The following NOS1AP variants were observed in gnomAD, a reference collection of about 807,000 sequenced individuals.
The protein encoded by NOS1AP is nitric oxide synthase 1 adaptor protein, also known as carboxyl-terminal PDZ ligand of neuronal nitric oxide synthase protein.
In NOS1AP, 21 loss-of-function variants were observed where a neutral mutation model predicts 56.2. That is an observed-to-expected ratio of 0.37 (90% CI 0.26 to 0.54). NOS1AP has a LOEUF of 0.54. Among genes scored for constraint, NOS1AP ranks in the 20% least tolerant of loss-of-function variants. NOS1AP has a pLI of 0.84. For synonymous variants in NOS1AP, 270 were observed against 274.6 expected, an observed-to-expected ratio of 0.98 and a Z score of 0.17; for missense variants, 522 against 657.8, an observed-to-expected ratio of 0.79 and a Z score of 2.26.
chr1:162,215,707 C>G (rs1204379757), intron 2 of NOS1AP, among the ~76,000 whole-genome samples: 2 of 152,190 alleles, frequency 1.3e-5, no homozygotes, highest in Admixed American at 1.3e-4. Context: ...CCCTTGGGTC[C>G]TCCACTCATG....
chr1:162,352,564 C>T (rs989772831), intron 6 of NOS1AP, among the ~76,000 whole-genome samples: 1 of 152,116 alleles, frequency 6.6e-6, no homozygotes, highest in Admixed American at 6.6e-5. Flanking sequence ...GCTTAAACAA[C>T]ATTTATTTCT....
At chr1:162,285,640 C>G (rs143670046) in intron 2 of NOS1AP, among the ~76,000 whole-genome samples, 2 of 152,286 alleles carry the variant, frequency 1.3e-5, no homozygotes, top group Admixed American at 6.5e-5. Context: ...CTCTTCTTCT[C>G]TGTCTCCATC....
intron 3 of NOS1AP, among the ~76,000 whole-genome samples, chr1:162,291,365 G>A (rs1482336889): frequency 3.3e-5 from 5 of 152,126 alleles, no homozygotes; most frequent in Admixed American, 2.0e-4. Context: ...CATTATTTGT[G>A]TGTAATAATG....
At chr1:162,162,554 A>T (rs1413573361) in intron 2 of NOS1AP, among the ~76,000 whole-genome samples, 1 of 152,192 alleles carries the variant, frequency 6.6e-6, no homozygotes, top group Non-Finnish European at 1.5e-5. Context: ...TCCTCTGCCA[A>T]ACCCAAGAGA....
chr1:162,333,212 A>C (rs1656830996), intron 5 of NOS1AP, 87 bp downstream of exon 5: 2 of 876,190 alleles, frequency 2.3e-6, no homozygotes, highest in Non-Finnish European at 3.8e-6. Flanking sequence ...TGTTGAAGAC[A>C]GCTGTGGTAA....
At chr1:162,310,194 G>A (rs1324951812) in intron 4 of NOS1AP, among the ~76,000 whole-genome samples, 1 of 152,024 alleles carries the variant, frequency 6.6e-6, no homozygotes, top group Non-Finnish European at 1.5e-5. Context: ...GGGGTCAAAG[G>A]CACAAAGGGT....
chr1:162,134,180 A>G (rs1159599524), intron 1 of NOS1AP, among the ~76,000 whole-genome samples: 1 of 152,156 alleles, frequency 6.6e-6, no homozygotes, highest in African/African-American at 2.4e-5. Context: ...GCCCTGGTAT[A>G]ATGGATAATT....
chr1:162,266,091 A>G (rs576941901), intron 2 of NOS1AP, among the ~76,000 whole-genome samples: 2 of 152,310 alleles, frequency 1.3e-5, no homozygotes, highest in African/African-American at 4.8e-5. Context: ...TTTTTGTCCC[A>G]TTGGCTAGAA....
At chr1:162,146,495 C>T (rs376106003) in intron 1 of NOS1AP, among the ~76,000 whole-genome samples, 1 of 152,216 alleles carries the variant, frequency 6.6e-6, no homozygotes, top group Non-Finnish European at 1.5e-5. Context: ...TGGCTGTCCC[C>T]GTCTCTGGTA....
At chr1:162,361,024 G>A (rs922856582) in intron 8 of NOS1AP, 2 of 414,732 alleles carry the variant, frequency 4.8e-6, no homozygotes, top group African/African-American at 4.1e-5. Flanking sequence ...GCTGGAGGGT[G>A]CAGGGCTGAA....
At chr1:162,161,467 A>G (rs1274127778) in intron 2 of NOS1AP, among the ~76,000 whole-genome samples, 1 of 152,236 alleles carries the variant, frequency 6.6e-6, no homozygotes, top group East Asian at 1.9e-4. Context: ...TTGTTCTTTA[A>G]TCATCAGGAA....
At chr1:162,179,403 T>C (rs1345794480) in intron 2 of NOS1AP, among the ~76,000 whole-genome samples, 1 of 152,182 alleles carries the variant, frequency 6.6e-6, no homozygotes, top group Admixed American at 6.5e-5. Context: ...GTGTTCTTAT[T>C]TGTCATGCTG....
intron 8 of NOS1AP, among the ~76,000 whole-genome samples, chr1:162,358,078 C>T (rs529654581): frequency 9.1e-4 from 138 of 152,328 alleles, no homozygotes; most frequent in Middle Eastern, 3.4e-3. Flanking sequence ...CCTGCATCAA[C>T]ATTCTAAATC....
At chr1:162,209,902 G>A (rs1162855098) in intron 2 of NOS1AP, among the ~76,000 whole-genome samples, 4 of 152,130 alleles carry the variant, frequency 2.6e-5, no homozygotes, top group African/African-American at 7.2e-5. Context: ...AAGCTTAGGA[G>A]GGAAGGAATT....
At chr1:162,309,373 G>A (rs1655952483) in intron 4 of NOS1AP, among the ~76,000 whole-genome samples, 1 of 152,152 alleles carries the variant, frequency 6.6e-6, no homozygotes, top group South Asian at 2.1e-4. Context: ...ACCAGCTGAA[G>A]GGGAAAAATA....
chr1:162,121,947 A>G (rs1213512527), intron 1 of NOS1AP, among the ~76,000 whole-genome samples: 8 of 152,230 alleles, frequency 5.3e-5, no homozygotes. Flanking sequence ...TGAAACAAGC[A>G]TATTACAATG....
intron 3 of NOS1AP, among the ~76,000 whole-genome samples, chr1:162,291,854 A>G (rs1431269141): frequency 6.6e-6 from 1 of 152,216 alleles, no homozygotes; most frequent in South Asian, 2.1e-4. Context: ...GGCTCAAGTA[A>G]TTATCTTTTC....
Position 162,365,499 on chromosome 1 carries a change from G to A in NOS1AP, c.1035G>A (p.Met345Ile), listed in dbSNP as rs142457157. The stretch of plus-strand genomic sequence containing the variant: ...AGCTTTTGCTGCAGAACAAGGACAT[G>A]CTCCAGCACATCTCCCTGCTGGTCA... ...VHQLLLQNKD[M>I]LQHISLLVKQ... The change falls in exon 9 of 10, where the codon ATG becomes ATA. Residue 345 changes from methionine (M) to isoleucine (I), a missense_variant. This residue lies in a region of NOS1AP where 52 missense variants were observed against 94.5 expected (regional missense o/e 0.55). Transcript: ENST00000361897. The A allele has an allele frequency of 6.2e-7, 1 of 1,613,854 alleles. No individual in the cohort carries two copies. The highest frequency in any genetic ancestry group is 8.5e-7 in the Non-Finnish European group (1 of 1,180,050).
intron 2 of NOS1AP, among the ~76,000 whole-genome samples, chr1:162,265,974 C>G (rs538181205): frequency 1.3e-5 from 2 of 152,082 alleles, no homozygotes; most frequent in South Asian, 2.1e-4. Flanking sequence ...TGGCTTTATC[C>G]GAGGCCAGAC....
Sources: allele counts gnomAD v4.1 joint callset (sites outside exome capture counted in the v4.1 genomes callset), GRCh38; gene constraint gnomAD v4.1.1; regional missense constraint gnomAD v4.1.1; transcripts MANE v1.5; gene names NCBI Gene and HGNC (gene_info 2026-07-23, HGNC 2026-07-21).